The following TNFRSF11B variants were observed in gnomAD, a reference collection of about 807,000 sequenced individuals.
The protein encoded by TNFRSF11B is tumor necrosis factor receptor superfamily member 11B.
In TNFRSF11B, 16 loss-of-function variants were observed where a neutral mutation model predicts 43.4. The ratio of observed to expected loss-of-function variants is 0.37; its 90% confidence interval spans 0.25 to 0.56. The LOEUF is 0.56. Ranked by LOEUF, TNFRSF11B falls within the 20% of genes least tolerant of loss-of-function variation. TNFRSF11B has a pLI of 0.80. For missense variants in TNFRSF11B, 444 were observed against 490.1 expected (o/e 0.91, Z 0.89); for synonymous variants, 185 against 181.8 (o/e 1.02, Z -0.14).
In TNFRSF11B at chr8:118,928,790, T is replaced by C. The variant is rs1398588638; in HGVS notation, c.540A>G (p.Thr180=). 6.2e-7 allele frequency: 1 copy of C among 1,614,226 alleles called. No homozygotes were observed. Among genetic ancestry groups the C allele is most frequent in the East Asian group, 2.2e-5 (1 of 44,880 alleles). The change falls in exon 3 of 5, where the codon ACA becomes ACG. Residue 180 remains threonine (T), a synonymous_variant. Coordinates refer to ENST00000297350, the MANE Select transcript of TNFRSF11B (RefSeq NM_002546.4). ...GLLLTQKGNA[T]HDNICSGNSE... is the part of the protein sequence containing the mutation. ...TGTTTCCGGAACATATGTTGTCGTG[T>C]GTTGCATTTCCTTTCTGAGTTAGCA... is the stretch of plus-strand genomic sequence containing the variant.
intron 2 of TNFRSF11B, chr8:118,930,787 G>GC: frequency 2.3e-6 from 1 of 443,600 alleles, no homozygotes. Flanking sequence ...AAGTTCATAT[G>GC]TGTCAGATAT....
Position 118,946,729 on chromosome 8 carries a change from C to T in TNFRSF11B, c.30+5063G>A, listed in dbSNP as rs543718329. ...TCTTGGCTTGTGAAGTCATCCATCTCTATGGCTCCAAAAATCTTCTCTAGG... is the reference window on the plus strand; with the variant it reads ...TCTTGGCTTGTGAAGTCATCCATCTTTATGGCTCCAAAAATCTTCTCTAGG... On this transcript the variant is annotated intron_variant, in intron 1 of 4. Transcript: ENST00000297350. Among the ~76,000 whole-genome samples the T allele has an allele frequency of 1.1e-4, 16 of 152,254 alleles. No homozygotes were observed. In the East Asian group the frequency reaches 3.1e-3, roughly 29 times the overall value.
In TNFRSF11B at chr8:118,926,352, G is replaced by A. The variant is rs1812243436; in HGVS notation, c.817+142C>T. 5 of 781,134 alleles carry A rather than the reference G, an allele frequency of 6.4e-6. No individual in the cohort carries two copies. The Admixed American group carries it at 7.0e-5, about 11-fold the overall frequency. 48.4% of individuals were successfully genotyped at this position (781,134 alleles called of 1,614,324 possible). ...GGAATCACATCTACATTATCAGTTG[G>A]TGGAAACTTTTTCAGTCCAACAATG... is the stretch of plus-strand genomic sequence containing the variant. On this transcript the variant is annotated intron_variant, in intron 4 of 4. Transcript: ENST00000297350.
intron 2 of TNFRSF11B, among the ~76,000 whole-genome samples, chr8:118,930,958 T>G (rs1282796205): frequency 6.6e-6 from 1 of 152,240 alleles, no homozygotes; most frequent in Non-Finnish European, 1.5e-5. Flanking sequence ...GAAAAAGATC[T>G]ATCCATCTAA....
intron 2 of TNFRSF11B, among the ~76,000 whole-genome samples, chr8:118,929,360 T>C (rs1254577711): frequency 6.6e-6 from 1 of 152,262 alleles, no homozygotes; most frequent in African/African-American, 2.4e-5. Flanking sequence ...TGCTGCATCA[T>C]TAAATTCCAA....
At chr8:118,950,060 G>C (rs1385502) in intron 1 of TNFRSF11B, among the ~76,000 whole-genome samples, 10,701 of 152,140 alleles carry the variant, frequency 0.07, 425 homozygotes, top group South Asian at 0.092. Flanking sequence ...CTACATGTTT[G>C]TCTATCTTCC....
rs1339822219 is a variant in TNFRSF11B, at chr8:118,949,390, G to A, written c.30+2402C>T. 2.0e-5 allele frequency among the ~76,000 whole-genome samples: 3 copies of A among 152,080 alleles called. No homozygotes were observed. The East Asian group carries it at 5.8e-4, about 29-fold the overall frequency. On this transcript the variant is annotated intron_variant, in intron 1 of 4. Transcript: ENST00000297350. ...TACATAATTCACTTGGATCTAGATT[G>A]TCCTAAAGTTAGTTATCTGTGAGCA...
chr8:118,940,495 C>CTACAATAAGAA (rs1812471916), intron 1 of TNFRSF11B, among the ~76,000 whole-genome samples: 2 of 152,144 alleles, frequency 1.3e-5, no homozygotes, highest in Admixed American at 1.3e-4. Flanking sequence ...GATCCCACCC[C>CTACAATAAGAA]TACAATAAGA....
At chr8:118,926,364 T>C in intron 4 of TNFRSF11B, 130 bp downstream of exon 4, 1 of 900,566 alleles carries the variant, frequency 1.1e-6, no homozygotes, top group African/African-American at 1.7e-5. Context: ...GGAAACTTTT[T>C]CAGTCCAACA....
chr8:118,939,345 A>C (rs1464106035), intron 1 of TNFRSF11B, among the ~76,000 whole-genome samples: 8 of 152,334 alleles, frequency 5.3e-5, no homozygotes, highest in African/African-American at 1.9e-4. Flanking sequence ...GAGTTGAATA[A>C]GTTAATGTAA....
At chr8:118,925,311 G>A (rs1812232947) in intron 4 of TNFRSF11B, among the ~76,000 whole-genome samples, 1 of 152,142 alleles carries the variant, frequency 6.6e-6, no homozygotes, top group Non-Finnish European at 1.5e-5. Flanking sequence ...ATAAGCTAGG[G>A]TACAAACCTA....
At chr8:118,925,473 C>A (rs1812234424) in intron 4 of TNFRSF11B, among the ~76,000 whole-genome samples, 2 of 152,216 alleles carry the variant, frequency 1.3e-5, no homozygotes, top group Admixed American at 1.3e-4. Flanking sequence ...CTGATTTTCT[C>A]TTTTCTTTCG....
At chr8:118,942,654 C>G (rs1425630446) in intron 1 of TNFRSF11B, among the ~76,000 whole-genome samples, 1 of 152,094 alleles carries the variant, frequency 6.6e-6, no homozygotes, top group Non-Finnish European at 1.5e-5. Context: ...ATCATTCCAT[C>G]CCCTGCAACC....
intron 4 of TNFRSF11B, among the ~76,000 whole-genome samples, chr8:118,925,908 A>T (rs1394302746): frequency 2.0e-5 from 3 of 152,228 alleles, no homozygotes; most frequent in Non-Finnish European, 1.5e-5. Context: ...ATATAAACTT[A>T]TAAGATGTGA....
At chr8:118,935,907 T>G (rs1812400172) in intron 1 of TNFRSF11B, among the ~76,000 whole-genome samples, 1 of 152,160 alleles carries the variant, frequency 6.6e-6, no homozygotes, top group African/African-American at 2.4e-5. Context: ...CTGGTCTCCC[T>G]TTCCCATTTC....
chr8:118,951,675 T>G lies in TNFRSF11B; in HGVS notation c.30+117A>C, dbSNP rs1057249887. 7.8e-6 allele frequency: 8 copies of G among 1,022,440 alleles called. 1 individual carries two copies. In the South Asian group the frequency reaches 1.1e-4, roughly 14 times the overall value. 63.3% of individuals were successfully genotyped at this position (1,022,440 alleles called of 1,614,324 possible). A position where few individuals can be genotyped will look rare whatever the true frequency, so the allele number is the denominator to read the frequency against. On this transcript the variant is annotated intron_variant, in intron 1 of 4. Transcript: ENST00000297350. Reference sequence around the variant, plus strand: ...TCCTGCTCCAGCCTAACCCCAAGCCTCTCCTGGGAGGGAGCGAGTGGAGCC... The same window carrying G: ...TCCTGCTCCAGCCTAACCCCAAGCCGCTCCTGGGAGGGAGCGAGTGGAGCC...
intron 1 of TNFRSF11B, 105 bp downstream of exon 1, chr8:118,951,687 G>A: frequency 8.9e-7 from 1 of 1,120,668 alleles, no homozygotes. Context: ...TCCTGGGAGG[G>A]AGCGAGTGGA....
At chr8:118,940,873 G>A (rs1461109163) in intron 1 of TNFRSF11B, among the ~76,000 whole-genome samples, 1 of 152,118 alleles carries the variant, frequency 6.6e-6, no homozygotes, top group Non-Finnish European at 1.5e-5. Context: ...TGTTTAGAAA[G>A]CTCAGCCAGA....
chr8:118,933,413 T>C (rs1348960140), intron 1 of TNFRSF11B, 113 bp from the exon 2 acceptor site: 1 of 1,519,908 alleles, frequency 6.6e-7, no homozygotes, highest in Admixed American at 1.7e-5. Context: ...CCTAATGAGA[T>C]TTGCCACAAA....
Sources: gnomAD v4.1 joint callset for allele counts (sites outside exome capture counted in the v4.1 genomes callset) on GRCh38, gnomAD v4.1.1 for gene constraint, MANE v1.5 for transcripts, NCBI Gene and HGNC (gene_info 2026-07-23, HGNC 2026-07-21) for gene names.